VCAM1: variants seen among roughly 807,000 people sequenced by gnomAD.
VCAM1 encodes vascular cell adhesion protein 1.
VCAM1 carries 41 observed loss-of-function variants against 63.8 expected under a neutral mutation model. The ratio of observed to expected loss-of-function variants is 0.64; its 90% CI spans 0.50 to 0.83. The LOEUF is 0.83. Among genes scored for constraint, VCAM1 ranks in the 40% least tolerant of loss-of-function variants. The probability of loss-of-function intolerance (pLI) is 0.00; values close to 1 mark genes in which losing one functional copy is unlikely to be tolerated. For missense variants in VCAM1, 798 were observed against 875.5 expected (o/e 0.91, Z 1.12); for synonymous variants, 338 against 320.7 (o/e 1.05, Z -0.58).
Position 100,720,566 on chromosome 1 carries a change from G to A in VCAM1, c.155G>A (p.Cys52Tyr), listed in dbSNP as rs780698508. The A allele has an allele frequency of 1.2e-6, 2 of 1,613,288 alleles. No individual in the cohort carries two copies. Residue 52 changes from cysteine (C) to tyrosine (Y), a missense_variant, in exon 2 of 9, where the codon TGT becomes TAT. Transcript: ENST00000294728. ...TCATTGACTTGCAGCACCACAGGCT[G>A]TGAGTCCCCATTTTTCTCTTGGAGA... The part of the protein sequence containing the change: ...SVSLTCSTTG[C>Y]ESPFFSWRTQ...
intron 5 of VCAM1, among the ~76,000 whole-genome samples, chr1:100,729,736 T>C (rs1183326616): frequency 6.6e-6 from 1 of 151,944 alleles, no homozygotes; most frequent in Non-Finnish European, 1.5e-5. Flanking sequence ...TGGGAATGAG[T>C]AGTTTTAAAC....
chr1:100,730,464 G>A (rs557743226), intron 5 of VCAM1, among the ~76,000 whole-genome samples: 70 of 152,190 alleles, frequency 4.6e-4, no homozygotes, highest in African/African-American at 1.6e-3. Flanking sequence ...TCATTTTACT[G>A]ATTTGTACTG....
Position 100,731,223 on chromosome 1 carries a change from G to A in VCAM1, c.1230G>A (p.Glu410=). 1 of 1,607,628 alleles carries A rather than the reference G, an allele frequency of 6.2e-7. No individual in the cohort carries two copies. Residue 410 remains glutamate (E), a synonymous_variant, in exon 6 of 9, where the codon GAG becomes GAA. Transcript: ENST00000294728. This position sits in a 1 kb window ranked among gnomAD's most constrained non-coding sequence, Gnocchi z 4.2. Reference sequence around the variant, plus strand: ...CATTCCCTAGAGATCCAGAAATCGAGATGAGTGGTGGCCTCGTGAATGGGA... The same window carrying A: ...CATTCCCTAGAGATCCAGAAATCGAAATGAGTGGTGGCCTCGTGAATGGGA... ...LYSFPRDPEI[E]MSGGLVNGSS... is the part of the protein sequence containing the mutation.
intron 4 of VCAM1, 55 bp from the exon 5 acceptor site, chr1:100,729,052 G>GA: frequency 6.1e-6 from 9 of 1,471,786 alleles, no homozygotes; most frequent in Non-Finnish European, 8.1e-6. Context: ...AGAATGTGAT[G>GA]AAAAAAGAAA....
At chr1:100,723,470 A>G in intron 3 of VCAM1, 130 bp downstream of exon 3, 3 of 990,280 alleles carry the variant, frequency 3.0e-6, no homozygotes, top group Non-Finnish European at 2.9e-6. Flanking sequence ...GTATTCATTC[A>G]CAACATAATG....
At position 100,738,118 on chromosome 1, in the gene VCAM1, TC is replaced by T; in HGVS notation, c.2060-3del. 6.2e-7 allele frequency: 1 copy of T among 1,611,780 alleles called. No homozygotes were observed. Among genetic ancestry groups the T allele is most frequent in the Non-Finnish European group, 8.5e-7 (1 of 1,179,206 alleles). ...ATTAATTGCATCCATTTTGTTATTT[TC>T]CAGGAAGAGAAAACAACAAAGACTA... is the stretch of plus-strand genomic sequence containing the variant. On this transcript the variant is annotated splice_polypyrimidine_tract_variant and splice_region_variant and intron_variant, in intron 8 of 8. Coordinates refer to ENST00000294728, the MANE Select transcript of VCAM1 (RefSeq NM_001078.4).
Position 100,731,372 on chromosome 1 carries a change from C to T in VCAM1, c.1379C>T (p.Ser460Phe). The change falls in exon 6 of 9, where the codon TCT (serine) becomes TTT (phenylalanine). Residue 460 changes from serine (S) to phenylalanine (F), a missense_variant. Coordinates refer to ENST00000294728, the MANE Select transcript of VCAM1 (RefSeq NM_001078.4). The surrounding 1 kb of genome is among the most constrained non-coding windows in gnomAD (Gnocchi z 4.2). The stretch of plus-strand genomic sequence containing the variant: ...TTTTTGGAGGATACGGATATGAAAT[C>T]TCTAGAGAACAAAAGTTTGGAAATG... ...IEFLEDTDMKSLENKSLEMTF... is the reference protein window; with the variant it reads ...IEFLEDTDMKFLENKSLEMTF... 1 of 1,613,790 alleles carries T rather than the reference C, an allele frequency of 6.2e-7. No individual in the cohort carries two copies. Among genetic ancestry groups the T allele is most frequent in the Non-Finnish European group, 8.5e-7 (1 of 1,179,838 alleles).
chr1:100,727,058 T>TGTGTGTGTGTGTGTGTGTGTGTGTGTGA (rs1360037475), intron 4 of VCAM1, among the ~76,000 whole-genome samples: 1 of 151,840 alleles, frequency 6.6e-6, no homozygotes, highest in South Asian at 2.1e-4. Flanking sequence ...TGTGTGTGTG[T>TGTGTGTGTGTGTGTGTGTGTGTGTGTGA]GTGTGTGTGT....
intron 7 of VCAM1, 92 bp from the exon 8 acceptor site, chr1:100,734,410 C>T (rs1660578372): frequency 2.9e-6 from 4 of 1,379,606 alleles, no homozygotes; most frequent in African/African-American, 1.5e-5. Context: ...GCACAAATAG[C>T]TCCAGGGAAG....
intron 4 of VCAM1, among the ~76,000 whole-genome samples, chr1:100,725,980 G>A (rs1660146358): frequency 1.3e-5 from 2 of 151,872 alleles, no homozygotes; most frequent in African/African-American, 4.8e-5. Flanking sequence ...TCATCATGAT[G>A]TACAATAGAT....
intron 2 of VCAM1, among the ~76,000 whole-genome samples, chr1:100,721,822 C>G (rs946613934): frequency 1.3e-5 from 2 of 152,020 alleles, no homozygotes; most frequent in Non-Finnish European, 2.9e-5. Context: ...CTTATGTTAC[C>G]TGACATCGAA....
At chr1:100,734,874 G>T in intron 8 of VCAM1, 106 bp downstream of exon 8, 1 of 1,362,628 alleles carries the variant, frequency 7.3e-7, no homozygotes. Context: ...TGGAGCTGTG[G>T]TTTATTTCTT....
chr1:100,731,633 G>A lies in VCAM1; in HGVS notation c.1525+115G>A. The A allele has an allele frequency of 2.0e-6, 2 of 978,528 alleles. No homozygotes were observed. The highest frequency in any genetic ancestry group is 1.8e-5 in the South Asian group (1 of 54,474). The allele number at this position is 978,528 out of a possible 1,614,324, so 60.6% of individuals were successfully genotyped here. A position where few individuals can be genotyped will look rare whatever the true frequency, so the allele number is the denominator to read the frequency against. On this transcript the variant is annotated intron_variant, in intron 6 of 8. Coordinates refer to ENST00000294728, the MANE Select transcript of VCAM1 (RefSeq NM_001078.4). This position sits in a 1 kb window ranked among gnomAD's most constrained non-coding sequence, Gnocchi z 4.2. Reference sequence around the variant, plus strand: ...ACCTCTGTGGAGAAAAAACGTTACTGAAAAGAAATTTCAAAATAATGATGA... The same window carrying A: ...ACCTCTGTGGAGAAAAAACGTTACTAAAAAGAAATTTCAAAATAATGATGA...
At chr1:100,735,641 T>C (rs1473826727) in intron 8 of VCAM1, 1 of 152,156 alleles carries the variant, frequency 6.6e-6, no homozygotes, top group Non-Finnish European at 1.5e-5. Context: ...ACAGGTAAAA[T>C]TTTTGTTCGT....
At chr1:100,733,165 A>G (rs1455047379) in intron 7 of VCAM1, among the ~76,000 whole-genome samples, 1 of 152,238 alleles carries the variant, frequency 6.6e-6, no homozygotes, top group African/African-American at 2.4e-5. Flanking sequence ...CCTTTGGTTC[A>G]TCAGCCTGAG....
chr1:100,736,333 T>C (rs564025141), intron 8 of VCAM1: 1 of 152,206 alleles, frequency 6.6e-6, no homozygotes, highest in Non-Finnish European at 1.5e-5. Context: ...GACCAAAAAA[T>C]GGATATTTTT....
In VCAM1 at chr1:100,728,922, G is replaced by A. The variant is rs3176868; in HGVS notation, c.929-185G>A. Among the ~76,000 whole-genome samples the A allele has an allele frequency of 9.0e-4, 136 of 151,948 alleles. 2 individuals carry two copies. The East Asian group carries it at 0.014, about 15-fold the overall frequency. Reference sequence around the variant, plus strand: ...TAAATGAATGAATCAACAAACTATCGTGGTTTCATTCTTAAAAGATGTGGG... The same window carrying A: ...TAAATGAATGAATCAACAAACTATCATGGTTTCATTCTTAAAAGATGTGGG... On this transcript the variant is annotated intron_variant, in intron 4 of 8. Transcript: ENST00000294728.
chr1:100,722,744 A>G (rs1185929665), intron 2 of VCAM1, among the ~76,000 whole-genome samples: 2 of 152,110 alleles, frequency 1.3e-5, no homozygotes, highest in African/African-American at 4.8e-5. Context: ...TGTAAGGTTC[A>G]ATATAAACAT....
rs1659883356 is a variant in VCAM1 at position 100,719,777 on chromosome 1, C to T, written c.-84C>T. 1.4e-6 allele frequency: 2 copies of T among 1,430,812 alleles called. No homozygotes were observed. The highest frequency in any genetic ancestry group is 1.9e-6 in the Non-Finnish European group (2 of 1,038,044). The allele number at this position is 1,430,812 out of a possible 1,614,324, so 88.6% of individuals were successfully genotyped here. The stretch of plus-strand genomic sequence containing the variant: ...CATCGGGCCTCACTGGCTTCAGGAG[C>T]TGAATACCCTCCCAGGCACACACAG... On this transcript the variant is annotated 5_prime_UTR_variant, in exon 1 of 9. Coordinates refer to ENST00000294728, the MANE Select transcript of VCAM1 (RefSeq NM_001078.4).
Sources: gnomAD v4.1 joint callset for allele counts (sites outside exome capture counted in the v4.1 genomes callset) on GRCh38, gnomAD v4.1.1 for gene constraint, Gnocchi (gnomAD v3.1) non-coding constraint, MANE v1.5 for transcripts, NCBI Gene and HGNC (gene_info 2026-07-23, HGNC 2026-07-21) for gene names.